Variants in ABCA9 observed in about 807,000 individuals in gnomAD.
The protein encoded by ABCA9 is ATP binding cassette subfamily A member 9.
A neutral mutation model predicts 205.3 loss-of-function variants in ABCA9; 183 were observed. The observed-to-expected ratio is 0.89, with a 90% CI of 0.79 to 1.01. ABCA9 has a LOEUF of 1.01. Ranked by LOEUF, ABCA9 falls within the 50% of genes least tolerant of loss-of-function variation. The pLI is 0.00. For synonymous variants in ABCA9, 651 were observed against 683.3 expected (o/e 0.95, Z 0.74); for missense variants, 1,805 against 1,912.4 (o/e 0.94, Z 1.05).
At chr17:69,004,169 A>G (rs1009562299) in intron 25 of ABCA9, among the ~76,000 whole-genome samples, 1 of 151,822 alleles carries the variant, frequency 6.6e-6, no homozygotes, top group African/African-American at 2.4e-5. Flanking sequence ...GAGGAGCTGC[A>G]CTCCTTTGGA....
At chr17:69,040,062 G>A (rs1165951127) in intron 6 of ABCA9, among the ~76,000 whole-genome samples, 1 of 152,200 alleles carries the variant, frequency 6.6e-6, no homozygotes. Context: ...AACAACAGAT[G>A]CTGGAGAGGA....
At chr17:69,011,730 T>TAAAC in intron 23 of ABCA9, 1 of 380,386 alleles carries the variant, frequency 2.6e-6, no homozygotes, top group Non-Finnish European at 4.7e-6. Flanking sequence ...TTTTAAGTGA[T>TAAAC]AAACATTTGA....
chr17:69,036,260 A>G (rs1337413874), intron 6 of ABCA9, among the ~76,000 whole-genome samples: 1 of 152,186 alleles, frequency 6.6e-6, no homozygotes, highest in African/African-American at 2.4e-5. Flanking sequence ...ATTGTAGCAC[A>G]AACACAGTCA....
intron 4 of ABCA9, 43 bp from the exon 5 acceptor site, chr17:69,044,643 C>T (rs2071652044): frequency 6.4e-7 from 1 of 1,572,936 alleles, no homozygotes. Flanking sequence ...ATGATACAAT[C>T]TTGGCTACAG....
At chr17:68,993,754 G>T (rs2069528640) in intron 26 of ABCA9, among the ~76,000 whole-genome samples, 1 of 152,142 alleles carries the variant, frequency 6.6e-6, no homozygotes, top group African/African-American at 2.4e-5. Context: ...TGGATGATGT[G>T]CACGACCTTG....
chr17:69,013,764 A>G (rs2070473137), intron 22 of ABCA9, among the ~76,000 whole-genome samples: 1 of 152,034 alleles, frequency 6.6e-6, no homozygotes, highest in Non-Finnish European at 1.5e-5. Flanking sequence ...GCTGTAGGAC[A>G]CTCCGATAGA....
chr17:69,069,093 G>T, the ABCA9 span, among the ~76,000 whole-genome samples: 1 of 152,128 alleles, frequency 6.6e-6, no homozygotes, highest in South Asian at 2.1e-4. Context: ...TGTAAAGAGC[G>T]TGGAAGTCAT....
chr17:69,074,725 TG>T, the ABCA9 span, among the ~76,000 whole-genome samples: 773 of 152,306 alleles, frequency 5.1e-3, 7 homozygotes, highest in African/African-American at 0.018. Flanking sequence ...TATGAGGTCA[TG>T]TTTTTTTGGA....
At chr17:69,009,556 A>G (rs1191194951) in intron 23 of ABCA9, among the ~76,000 whole-genome samples, 1 of 152,192 alleles carries the variant, frequency 6.6e-6, no homozygotes, top group Non-Finnish European at 1.5e-5. Flanking sequence ...AAGGATTTCA[A>G]TCCTGCTCCT....
rs1297986542 is a variant in ABCA9 at position 68,974,772 on chromosome 17, CAT to C, written c.*1141_*1142del. The C allele has an allele frequency of 2.6e-5, 4 of 151,998 alleles. No individual in the cohort carries two copies. Among genetic ancestry groups the C allele is most frequent in the African/African-American group, 9.7e-5 (4 of 41,330 alleles). The allele number at this position is 151,998 out of a possible 1,614,324, so 9.4% of individuals were successfully genotyped here. A position where few individuals can be genotyped will look rare whatever the true frequency, so the allele number is the denominator to read the frequency against. ...AGTATGCCCTTGCATCATAAGAAAACATATAAAAACAGAAATATGTTTCAAAC... is the reference window on the plus strand; with the variant it reads ...AGTATGCCCTTGCATCATAAGAAAACATAAAAACAGAAATATGTTTCAAAC... On this transcript the variant is annotated 3_prime_UTR_variant, in exon 39 of 39. Coordinates refer to ENST00000340001, the MANE Select transcript of ABCA9 (RefSeq NM_080283.4).
chr17:69,051,129 T>A lies in ABCA9; in HGVS notation c.-3A>T. The A allele has an allele frequency of 6.2e-7, 1 of 1,613,380 alleles. No homozygotes were observed. The highest frequency in any genetic ancestry group is 2.2e-5 in the East Asian group (1 of 44,864). On this transcript the variant is annotated 5_prime_UTR_variant, in exon 2 of 39. Coordinates refer to ENST00000340001, the MANE Select transcript of ABCA9 (RefSeq NM_080283.4). ...ACGCTCATGCGTCTCTTGCTCATTT[T>A]GACCTGTTTCCTTTAAAAAGACAGA...
intron 1 of ABCA9, among the ~76,000 whole-genome samples, chr17:69,055,177 G>C (rs1298731232): frequency 6.6e-6 from 1 of 152,004 alleles, no homozygotes; most frequent in Non-Finnish European, 1.5e-5. Context: ...GATCATCAAT[G>C]GTCTAAATGC....
At chr17:69,038,112 A>G (rs931608051) in intron 6 of ABCA9, among the ~76,000 whole-genome samples, 4 of 151,856 alleles carry the variant, frequency 2.6e-5, no homozygotes, top group African/African-American at 9.7e-5. Context: ...GACCAAACAG[A>G]TTCACAGCTG....
chr17:69,035,586 G>C, intron 7 of ABCA9, 74 bp downstream of exon 7: 1 of 1,564,294 alleles, frequency 6.4e-7, no homozygotes, highest in Non-Finnish European at 8.7e-7. Context: ...GGTGAGACCA[G>C]AATTAGTGAT....
Position 68,986,190 on chromosome 17 carries a change from T to A in ABCA9, c.4182A>T (p.Lys1394Asn), listed in dbSNP as rs2069233066. The A allele has an allele frequency of 1.2e-6, 2 of 1,612,514 alleles. No homozygotes were observed. Among genetic ancestry groups the A allele is most frequent in the African/African-American group, 1.3e-5 (1 of 74,862 alleles). Residue 1394 changes from lysine to asparagine, a missense_variant, in exon 32 of 39, where the codon AAA (lysine) becomes AAT (asparagine). Physicochemically the swap from Lys to Asn is moderately conservative, Grantham distance 94. Transcript: ENST00000340001. The part of the protein sequence containing the change: ...EVYAAVKGLR[K>N]GDAMIAITRL... ...GTGTGATGGCGATCATTGCGTCCCC[T>A]TTCCTGAGACCTTTCACGGCAGCGT...
chr17:69,055,448 G>C (rs72844578), intron 1 of ABCA9, among the ~76,000 whole-genome samples: 6,096 of 152,214 alleles, frequency 0.04, 249 homozygotes, highest in African/African-American at 0.098. Flanking sequence ...GTTACATAAA[G>C]TTAAAGGGGT....
intron 25 of ABCA9, among the ~76,000 whole-genome samples, chr17:69,006,935 G>A (rs2070159287): frequency 6.6e-6 from 1 of 152,164 alleles, no homozygotes; most frequent in Non-Finnish European, 1.5e-5. Context: ...GACAGAGTAT[G>A]AAAGCATAGG....
Position 69,029,182 on chromosome 17 carries a change from T to TACTC in ABCA9, c.1487_1490dup (p.Glu498SerfsTer10). 1 of 1,556,570 alleles carries TACTC rather than the reference T, an allele frequency of 6.4e-7. No individual in the cohort carries two copies. The highest frequency in any genetic ancestry group is 1.8e-5 in the Admixed American group (1 of 55,072). On this transcript the variant is annotated frameshift_variant, in exon 11 of 39. Transcript: ENST00000340001. LOFTEE classifies it high-confidence loss of function. ...TTATTTTATTACCTTTCAAAGCTTC[T>TACTC]ACTCTCTCACACTTCCCTGCATATT... is the stretch of plus-strand genomic sequence containing the variant.
At position 69,032,138 on chromosome 17, in the gene ABCA9, G is replaced by A. The variant is rs954257091; in HGVS notation, c.1415C>T (p.Ser472Phe). The A allele has an allele frequency of 4.2e-5, 67 of 1,612,966 alleles. No homozygotes were observed. Among genetic ancestry groups the A allele is most frequent in the Non-Finnish European group, 5.6e-5 (66 of 1,179,644 alleles). The change falls in exon 10 of 39, where the codon TCT becomes TTT. Residue 472 changes from serine to phenylalanine, a missense_variant. Ser to Phe is a radical substitution (Grantham distance 155, BLOSUM62 -2). Coordinates refer to ENST00000340001, the MANE Select transcript of ABCA9 (RefSeq NM_080283.4). ...GGCTTCTTTCCCACAGAATTCTGGA[G>A]ACACTGGTTCAAAACAGTCATTAGG... ...PTPNDCFEPV[S>F]PEFCGKEAIR...
Sources: gnomAD v4.1 joint callset for allele counts (sites outside exome capture counted in the v4.1 genomes callset) on GRCh38, gnomAD v4.1.1 for gene constraint, MANE v1.5 for transcripts, NCBI Gene and HGNC (gene_info 2026-07-23, HGNC 2026-07-21) for gene names.